Variants in GPATCH8 observed in about 807,000 individuals in gnomAD.
GPATCH8 encodes the protein G-patch domain containing 8.
In GPATCH8, 18 loss-of-function variants were observed where a neutral mutation model predicts 118.3. The ratio of observed to expected loss-of-function variants is 0.15; its 90% confidence interval spans 0.11 to 0.23. GPATCH8 has a LOEUF of 0.23. Among genes scored for constraint, GPATCH8 ranks in the 10% least tolerant of loss-of-function variants. The pLI, the probability that GPATCH8 is intolerant of heterozygous loss-of-function variation, is 1.00. For synonymous variants in GPATCH8, 659 were observed against 684.7 expected (o/e 0.96, Z 0.59); for missense variants, 1,631 against 1,873.8 (o/e 0.87, Z 2.39).
intron 6 of GPATCH8, among the ~76,000 whole-genome samples, chr17:44,420,295 C>G (rs1393240554): frequency 2.0e-5 from 3 of 152,098 alleles, no homozygotes; most frequent in African/African-American, 7.2e-5. Context: ...ATGTTTACAA[C>G]ATAACTTGGG....
In GPATCH8 at chr17:44,406,042, C is replaced by G; in HGVS notation, c.502G>C (p.Asp168His). The G allele has an allele frequency of 6.2e-7, 1 of 1,603,506 alleles. No individual in the cohort carries two copies. The highest frequency in any genetic ancestry group is 8.5e-7 in the Non-Finnish European group (1 of 1,170,552). The change falls in exon 7 of 8, where the codon GAT (aspartate) becomes CAT (histidine). Residue 168 changes from aspartate (D) to histidine (H), a missense_variant. Asp to His is a moderately conservative substitution (Grantham distance 81). This residue lies in a region of GPATCH8 where 81 missense variants were observed against 227.6 expected (regional missense o/e 0.36). Transcript: ENST00000591680. Reference protein sequence around the residue: ...YDHAHKQRLKDLKQREFARNV... With the variant: ...YDHAHKQRLKHLKQREFARNV... Reference sequence around the variant, plus strand: ...CGAGCAAACTCTCTCTGCTTCAGATCTTTTAATCTCTGGGTTAAAAGAAAG... The same window carrying G: ...CGAGCAAACTCTCTCTGCTTCAGATGTTTTAATCTCTGGGTTAAAAGAAAG...
intron 7 of GPATCH8, 104 bp downstream of exon 7, chr17:44,405,817 T>A: frequency 1.0e-6 from 1 of 961,364 alleles, no homozygotes; most frequent in Admixed American, 2.1e-5. Flanking sequence ...GGTTTTTAAT[T>A]CTTAAATCTT....
intron 1 of GPATCH8, among the ~76,000 whole-genome samples, chr17:44,499,549 G>A (rs904247177): frequency 1.3e-5 from 2 of 152,164 alleles, no homozygotes; most frequent in Non-Finnish European, 2.9e-5. Context: ...ATATACTAAA[G>A]AACATTTCCT....
Position 44,397,604 on chromosome 17 carries a change from A to G in GPATCH8, c.4473T>C (p.Gly1491=). The G allele has an allele frequency of 6.2e-7, 1 of 1,613,884 alleles. No individual in the cohort carries two copies. The highest frequency in any genetic ancestry group is 8.5e-7 in the Non-Finnish European group (1 of 1,179,914). The change falls in exon 8 of 8, where the codon GGT becomes GGC. Residue 1491 remains glycine (G), a synonymous_variant. Transcript: ENST00000591680. Reference sequence around the variant, plus strand: ...GGCTGGGGGGATGTTGCAGGTCCTGACCTGAGAAGATGGGGTGAAGTAGTG... The same window carrying G: ...GGCTGGGGGGATGTTGCAGGTCCTGGCCTGAGAAGATGGGGTGAAGTAGTG... ...LHPLLHPIFS[G]QDLQHPPSHG... is the part of the protein sequence containing the mutation.
Position 44,399,500 on chromosome 17 carries a change from G to A in GPATCH8, c.2577C>T (p.Arg859=), listed in dbSNP as rs770539726. ...HSRSRSRSGR[R]HSSHRSSRRS... ...GCCGGGAGGAACGATGCGAGGAATG[G>A]CGCCGGCCAGACCTTGAGCGGCTGC... is the stretch of plus-strand genomic sequence containing the variant. The change falls in exon 8 of 8, where the codon CGC becomes CGT. Residue 859 remains arginine (R), a synonymous_variant. Coordinates refer to ENST00000591680, the MANE Select transcript of GPATCH8 (RefSeq NM_001002909.4). The A allele has an allele frequency of 1.2e-6, 2 of 1,614,194 alleles. No homozygotes were observed. Among genetic ancestry groups the A allele is most frequent in the South Asian group, 1.1e-5 (1 of 91,084 alleles).
In GPATCH8 at chr17:44,396,694, T is replaced by TTAA; in HGVS notation, c.*873_*874insTTA. ...CTGGATGTAAAAAATATTATTGCAG[T>TTAA]ATACTACAAATATGGAACCTTTTTT... On this transcript the variant is annotated 3_prime_UTR_variant, in exon 8 of 8. Coordinates refer to ENST00000591680, the MANE Select transcript of GPATCH8 (RefSeq NM_001002909.4). 2.2e-6 allele frequency: 1 copy of TTAA among 446,340 alleles called. No individual in the cohort carries two copies. Among genetic ancestry groups the TTAA allele is most frequent in the Non-Finnish European group, 4.4e-6 (1 of 224,848 alleles). The allele number at this position is 446,340 out of a possible 1,614,324, so 27.6% of individuals were successfully genotyped here. A position where few individuals can be genotyped will look rare whatever the true frequency, so the allele number is the denominator to read the frequency against.
chr17:44,458,670 C>T (rs974086642), intron 3 of GPATCH8, among the ~76,000 whole-genome samples: 3 of 152,052 alleles, frequency 2.0e-5, no homozygotes, highest in East Asian at 3.9e-4. Flanking sequence ...TACAGATGCA[C>T]GCCACCATGC....
intron 2 of GPATCH8, among the ~76,000 whole-genome samples, chr17:44,474,049 T>A (rs1230275430): frequency 6.6e-6 from 1 of 152,190 alleles, no homozygotes; most frequent in Non-Finnish European, 1.5e-5. Context: ...CCCACTCAAG[T>A]TTTACCAATA....
At chr17:44,439,232 C>T (rs572641764) in intron 3 of GPATCH8, among the ~76,000 whole-genome samples, 18 of 152,244 alleles carry the variant, frequency 1.2e-4, no homozygotes, top group Middle Eastern at 3.4e-3. Context: ...AATCTTAGAT[C>T]TTCAGTGCTT....
At chr17:44,464,566 CAAACCA>C (rs750010132) in intron 2 of GPATCH8, 22 bp from the exon 3 acceptor site, 4 of 1,384,434 alleles carry the variant, frequency 2.9e-6, no homozygotes, top group African/African-American at 1.4e-5. Flanking sequence ...AACAGAGAGA[CAAACCA>C]AAAATATTCC....
chr17:44,501,148 G>A (rs1406976592), intron 1 of GPATCH8, among the ~76,000 whole-genome samples: 1 of 152,088 alleles, frequency 6.6e-6, no homozygotes, highest in African/African-American at 2.4e-5. Context: ...GGCCAGGCGC[G>A]ATGGCTCACA....
intron 6 of GPATCH8, among the ~76,000 whole-genome samples, chr17:44,406,633 C>T (rs4793101): frequency 0.45 from 68,304 of 151,672 alleles, 16,901 homozygotes; most frequent in Non-Finnish European, 0.56. Flanking sequence ...GGTCTTCCAG[C>T]GCTAGCATGT....
chr17:44,448,858 C>A (rs2051006072), intron 3 of GPATCH8, among the ~76,000 whole-genome samples: 3 of 151,728 alleles, frequency 2.0e-5, no homozygotes, highest in Admixed American at 6.6e-5. Context: ...AAACTGTCCA[C>A]CCTATTTACT....
Position 44,433,409 on chromosome 17 carries a change from G to A in GPATCH8, c.348+1656C>T, listed in dbSNP as rs528335315. On this transcript the variant is annotated intron_variant, in intron 5 of 7. Coordinates refer to ENST00000591680, the MANE Select transcript of GPATCH8 (RefSeq NM_001002909.4). ...CAGGATATATACTGGCAGACAAATA[G>A]ACATACTCTCTCTCCTCAATGCCCT... 2.6e-5 allele frequency among the ~76,000 whole-genome samples: 4 copies of A among 152,248 alleles called. No homozygotes were observed. The South Asian group carries it at 8.3e-4, about 32-fold the overall frequency.
In GPATCH8 at chr17:44,398,445, T is replaced by A. The variant is rs889673589; in HGVS notation, c.3632A>T (p.Lys1211Met). The change falls in exon 8 of 8, where the codon AAG (lysine) becomes ATG (methionine). Residue 1211 changes from lysine to methionine, a missense_variant. Around this residue, in one of 8 missense-constraint regions of GPATCH8, gnomAD observed 922 missense variants for 879.7 expected, o/e 1.05. Coordinates refer to ENST00000591680, the MANE Select transcript of GPATCH8 (RefSeq NM_001002909.4). ...PLLDPPPEES[K>M]SGEATADHPV... ...GTGATCAGCAGTAGCTTCTCCAGAC[T>A]TTGACTCTTCTGGGGGTGGGTCTAA... The A allele has an allele frequency of 6.2e-7, 1 of 1,613,268 alleles. No homozygotes were observed. Among genetic ancestry groups the A allele is most frequent in the Non-Finnish European group, 8.5e-7 (1 of 1,179,532 alleles).
At chr17:44,463,745 T>A (rs1273409635) in intron 3 of GPATCH8, among the ~76,000 whole-genome samples, 1 of 152,228 alleles carries the variant, frequency 6.6e-6, no homozygotes, top group East Asian at 1.9e-4. Flanking sequence ...AGCTCTTGAA[T>A]CTGAGAAAGC....
intron 3 of GPATCH8, among the ~76,000 whole-genome samples, chr17:44,444,441 A>G (rs2050802147): frequency 6.6e-6 from 1 of 151,994 alleles, no homozygotes. Context: ...CATGGGGCTG[A>G]GGAGATACGG....
chr17:44,424,951 T>C (rs1422187332), intron 5 of GPATCH8, among the ~76,000 whole-genome samples: 1 of 152,150 alleles, frequency 6.6e-6, no homozygotes, highest in African/African-American at 2.4e-5. Context: ...AACCCACAGA[T>C]ATGTGTTATC....
chr17:44,442,346 G>A (rs1027812319), intron 3 of GPATCH8, among the ~76,000 whole-genome samples: 7 of 146,158 alleles, frequency 4.8e-5, no homozygotes, highest in Non-Finnish European at 1.0e-4. Context: ...TGAAGCTAAT[G>A]CATAAGCAGT....
Sources: allele counts gnomAD v4.1 joint callset (sites outside exome capture counted in the v4.1 genomes callset), GRCh38; gene constraint gnomAD v4.1.1; regional missense constraint gnomAD v4.1.1; transcripts MANE v1.5; gene names NCBI Gene and HGNC (gene_info 2026-07-23, HGNC 2026-07-21).